Variants in SMURF2 observed in about 807,000 individuals in gnomAD.
The protein encoded by SMURF2 is SMAD specific E3 ubiquitin protein ligase 2.
SMURF2 carries 48 observed loss-of-function variants against 109.6 expected under a neutral mutation model. The ratio of observed to expected loss-of-function variants is 0.44; its 90% CI spans 0.35 to 0.56. SMURF2 has a LOEUF of 0.56. SMURF2 is among the 20% of genes least tolerant of loss of function. The pLI is 0.01. For missense variants in SMURF2, 575 were observed against 909.0 expected (o/e 0.63, Z 4.72); for synonymous variants, 288 against 317.1 (o/e 0.91, Z 0.97).
At position 64,562,839 on chromosome 17, in the gene SMURF2, C is replaced by T; in HGVS notation, c.1144G>A (p.Glu382Lys). 1 of 1,614,162 alleles carries T rather than the reference C, an allele frequency of 6.2e-7. No homozygotes were observed. Among genetic ancestry groups the T allele is most frequent in the Non-Finnish European group, 8.5e-7 (1 of 1,180,022 alleles). Residue 382 changes from glutamate (E) to lysine (K), a missense_variant, in exon 11 of 19, where the codon GAA (glutamate) becomes AAA (lysine). This residue lies in a region of SMURF2 where 361 missense variants were observed against 612.1 expected (regional missense o/e 0.59). Transcript: ENST00000262435. ...GCCTGAGGCTGTTGTTGGGAAAGTT[C>T]TTGCCGCAAAATTTTTAGTTTCTGA... Reference protein sequence around the residue: ...LVQKLKILRQELSQQQPQAGH... With the variant: ...LVQKLKILRQKLSQQQPQAGH...
chr17:64,624,095 CA>C (rs1970237552), intron 1 of SMURF2, among the ~76,000 whole-genome samples: 1 of 152,100 alleles, frequency 6.6e-6, no homozygotes, highest in Non-Finnish European at 1.5e-5. Context: ...TTACCGCATG[CA>C]AAAATAAAGC....
chr17:64,650,809 G>A (rs1363366045), intron 1 of SMURF2, among the ~76,000 whole-genome samples: 2 of 151,652 alleles, frequency 1.3e-5, no homozygotes, highest in Non-Finnish European at 2.9e-5. Flanking sequence ...CAGTGAGACT[G>A]TGTCTCAAAA....
At chr17:64,563,261 A>G (rs992219539) in intron 10 of SMURF2, 3 of 205,370 alleles carry the variant, frequency 1.5e-5, no homozygotes, top group Non-Finnish European at 9.8e-6. Context: ...TACAGAGTTT[A>G]CCATCACCCA....
At chr17:64,606,721 CA>C in intron 1 of SMURF2, 81 bp from the exon 2 acceptor site, 2 of 1,032,176 alleles carry the variant, frequency 1.9e-6, no homozygotes, top group Non-Finnish European at 2.8e-6. Flanking sequence ...ACACGGAAAA[CA>C]GCAGTGAATA....
At chr17:64,571,652 C>G in intron 10 of SMURF2, 146 bp downstream of exon 10, 1 of 782,760 alleles carries the variant, frequency 1.3e-6, no homozygotes, top group Admixed American at 3.1e-5. Context: ...CCCCTGGCCT[C>G]AAGTGATCCT....
rs1457256436 is a variant in SMURF2 at position 64,630,241 on chromosome 17, G to T, written c.53-23601C>A. Among the ~76,000 whole-genome samples, 2 of 141,996 alleles carry T rather than the reference G, an allele frequency of 1.4e-5. 1 individual carries two copies. Among genetic ancestry groups the T allele is most frequent in the Admixed American group, 1.4e-4 (2 of 14,236 alleles). 93.2% of individuals were successfully genotyped at this position (141,996 alleles called of 152,430 possible). ...ACAGAGCAAGACTCCGTCTCAGAAA[G>T]AAAAAAAAAAAGTTAATACAAATTA... On this transcript the variant is annotated intron_variant, in intron 1 of 18. Transcript: ENST00000262435.
At chr17:64,661,090 G>T (rs975948968) in intron 1 of SMURF2, among the ~76,000 whole-genome samples, 1 of 152,046 alleles carries the variant, frequency 6.6e-6, no homozygotes, top group African/African-American at 2.4e-5. Context: ...CCCCAAAAAA[G>T]TGTGTTTTTA....
At chr17:64,648,991 CCAAT>C (rs1385987662) in intron 1 of SMURF2, among the ~76,000 whole-genome samples, 5 of 152,106 alleles carry the variant, frequency 3.3e-5, no homozygotes, top group East Asian at 3.8e-4. Context: ...ATCTTACCAA[CCAAT>C]CAGTGTTTTC....
intron 3 of SMURF2, among the ~76,000 whole-genome samples, chr17:64,598,052 C>A (rs1224675576): frequency 6.6e-6 from 1 of 151,972 alleles, no homozygotes. Flanking sequence ...CAAAAAGAAG[C>A]CTATTCAGTG....
At chr17:64,594,642 G>C (rs550011444) in intron 3 of SMURF2, among the ~76,000 whole-genome samples, 1 of 152,238 alleles carries the variant, frequency 6.6e-6, no homozygotes, top group Non-Finnish European at 1.5e-5. Flanking sequence ...TAATTCCAGA[G>C]CCAGAATCAA....
intron 12 of SMURF2, among the ~76,000 whole-genome samples, chr17:64,559,401 A>T (rs192206731): frequency 6.6e-6 from 1 of 151,904 alleles, no homozygotes; most frequent in Non-Finnish European, 1.5e-5. Context: ...TGAGACCAGC[A>T]TGGCCAACAT....
intron 15 of SMURF2, among the ~76,000 whole-genome samples, chr17:64,554,366 C>G (rs1367055713): frequency 6.6e-6 from 1 of 152,202 alleles, no homozygotes; most frequent in African/African-American, 2.4e-5. Context: ...CTTTAGAAAG[C>G]TGGCCACCCC....
In SMURF2 at chr17:64,635,694, T is replaced by C. The variant is rs188126319; in HGVS notation, c.52+26135A>G. Among the ~76,000 whole-genome samples, 321 of 152,338 alleles carry C rather than the reference T, an allele frequency of 2.1e-3. 1 individual carries two copies. The highest frequency in any genetic ancestry group is 3.4e-3 in the Middle Eastern group (1 of 294). On this transcript the variant is annotated intron_variant, in intron 1 of 18. Coordinates refer to ENST00000262435, the MANE Select transcript of SMURF2 (RefSeq NM_022739.4). ...TATGGCTGAATAATATTCCATTGTA[T>C]AGATATGCCATATTTTGTTTATCCA...
At chr17:64,596,560 A>G (rs533263492) in intron 3 of SMURF2, among the ~76,000 whole-genome samples, 1 of 147,458 alleles carries the variant, frequency 6.8e-6, no homozygotes, top group Admixed American at 7.1e-5. Context: ...ATGGAAGATA[A>G]AGTTCACCGA....
At position 64,639,009 on chromosome 17, in the gene SMURF2, G is replaced by A. The variant is rs189536657; in HGVS notation, c.52+22820C>T. Among the ~76,000 whole-genome samples the A allele has an allele frequency of 5.3e-5, 8 of 152,266 alleles. No homozygotes were observed. The East Asian group carries it at 5.8e-4, about 11-fold the overall frequency. ...GAAGAGTGTAACAAAGGGGAAGTCA[G>A]GTAAAAAGACGGCAATTTTAGCTGA... On this transcript the variant is annotated intron_variant, in intron 1 of 18. Transcript: ENST00000262435.
At chr17:64,556,955 A>C (rs1389136584) in intron 13 of SMURF2, among the ~76,000 whole-genome samples, 3 of 152,236 alleles carry the variant, frequency 2.0e-5, no homozygotes, top group Non-Finnish European at 2.9e-5. Flanking sequence ...TTCACTTAAC[A>C]CATCATAAAC....
intron 10 of SMURF2, among the ~76,000 whole-genome samples, chr17:64,566,565 T>TTTTTTTTTG (rs1969309451): frequency 4.2e-5 from 2 of 47,814 alleles, no homozygotes; most frequent in African/African-American, 1.6e-4. Flanking sequence ...TTTCTGGTTT[T>TTTTTTTTTG]TTTTTTTTTT....
intron 1 of SMURF2, among the ~76,000 whole-genome samples, chr17:64,633,191 G>C (rs540395021): frequency 2.6e-5 from 4 of 152,238 alleles, no homozygotes; most frequent in African/African-American, 9.6e-5. Flanking sequence ...GATGGCTTGA[G>C]CCCAGGAGGC....
chr17:64,594,200 G>C (rs1231034734), intron 3 of SMURF2: 1 of 152,092 alleles, frequency 6.6e-6, no homozygotes, highest in Non-Finnish European at 1.5e-5. Flanking sequence ...TTGTTAACAT[G>C]GCATCAACCC....
Sources: gnomAD v4.1 joint callset for allele counts (sites outside exome capture counted in the v4.1 genomes callset) on GRCh38, gnomAD v4.1.1 for gene constraint, gnomAD v4.1.1 regional missense constraint, MANE v1.5 for transcripts, NCBI Gene and HGNC (gene_info 2026-07-23, HGNC 2026-07-21) for gene names.